CACNA1E: variants seen among roughly 807,000 people sequenced by gnomAD.
CACNA1E encodes the protein calcium voltage-gated channel subunit alpha1 E, also known as voltage-dependent R-type calcium channel subunit alpha-1E.
In CACNA1E, 40 loss-of-function variants were observed where a neutral mutation model predicts 259.2. That is an observed-to-expected ratio of 0.15 (90% CI 0.12 to 0.20). The LOEUF (loss-of-function observed/expected upper bound fraction) is 0.20. Among genes scored for constraint, CACNA1E ranks in the 10% least tolerant of loss-of-function variants. The pLI, the probability that CACNA1E is intolerant of heterozygous loss-of-function variation, is 1.00. For missense variants in CACNA1E, 1,874 were observed against 3,040.1 expected (o/e 0.62, Z 9.02); for synonymous variants, 1,104 against 1,138.5 (o/e 0.97, Z 0.61).
At chr1:181,635,248 T>G (rs972138049) in intron 6 of CACNA1E, among the ~76,000 whole-genome samples, 1 of 152,196 alleles carries the variant, frequency 6.6e-6, no homozygotes, top group Non-Finnish European at 1.5e-5. Flanking sequence ...AGTGTAGGTG[T>G]GTCTGATGCC....
intron 2 of CACNA1E, among the ~76,000 whole-genome samples, chr1:181,431,158 A>G (rs946017639): frequency 3.9e-5 from 6 of 152,220 alleles, no homozygotes; most frequent in Admixed American, 2.0e-4. Flanking sequence ...AACAAAAGGT[A>G]AATTGGAGCT....
At chr1:181,400,114 A>C (rs1173065770) in intron 1 of CACNA1E, among the ~76,000 whole-genome samples, 1 of 152,240 alleles carries the variant, frequency 6.6e-6, no homozygotes, top group Non-Finnish European at 1.5e-5. Flanking sequence ...CACCAGGGGT[A>C]CATCGTGAAG....
At chr1:181,331,898 C>T (rs139440827) in intron 1 of CACNA1E, among the ~76,000 whole-genome samples, 2,339 of 152,216 alleles carry the variant, frequency 0.015, 73 homozygotes, top group African/African-American at 0.054. Context: ...TATAGGTGTG[C>T]AGTCTTATTT....
chr1:181,461,080 G>A (rs955442263), intron 2 of CACNA1E, among the ~76,000 whole-genome samples: 2 of 152,164 alleles, frequency 1.3e-5, no homozygotes, highest in East Asian at 3.9e-4. Context: ...TCCTTCTAGA[G>A]TTTAACCTGG....
chr1:181,661,364 A>T (rs1647657825), intron 7 of CACNA1E, among the ~76,000 whole-genome samples: 1 of 152,094 alleles, frequency 6.6e-6, no homozygotes, highest in Non-Finnish European at 1.5e-5. Context: ...AGCGGTGGGG[A>T]CGGAAAGGAC....
intron 12 of CACNA1E, 149 bp downstream of exon 12, chr1:181,718,316 G>A (rs111296654): frequency 1.7e-6 from 1 of 576,186 alleles, no homozygotes; most frequent in Non-Finnish European, 3.1e-6. Flanking sequence ...GAATTCAGAA[G>A]CGAGTGAATC....
At chr1:181,333,293 C>T (rs1651425414) in intron 1 of CACNA1E, among the ~76,000 whole-genome samples, 1 of 152,206 alleles carries the variant, frequency 6.6e-6, no homozygotes, top group South Asian at 2.1e-4. Context: ...CTCCTCCTGA[C>T]TTGCCCTGCC....
chr1:181,581,585 G>A (rs1009191980), intron 6 of CACNA1E, among the ~76,000 whole-genome samples: 1 of 152,194 alleles, frequency 6.6e-6, no homozygotes, highest in Non-Finnish European at 1.5e-5. Flanking sequence ...CCTGCATGGG[G>A]ACAGAAGGTA....
intron 1 of CACNA1E, among the ~76,000 whole-genome samples, chr1:181,381,129 T>C (rs974542927): frequency 6.6e-6 from 1 of 151,118 alleles, no homozygotes; most frequent in African/African-American, 2.4e-5. Flanking sequence ...TTGTGCCACT[T>C]GCACTCCAGC....
chr1:181,473,192 G>T (rs75367761), intron 2 of CACNA1E, among the ~76,000 whole-genome samples: 51,430 of 151,592 alleles, frequency 0.34, 8,863 homozygotes, highest in African/African-American at 0.41. Context: ...CTTGCTCCCT[G>T]AACTCCCTTA....
chr1:181,633,654 G>T (rs1656950737), intron 6 of CACNA1E, among the ~76,000 whole-genome samples: 1 of 151,914 alleles, frequency 6.6e-6, no homozygotes, highest in South Asian at 2.1e-4. Context: ...ACCACGCCCG[G>T]CTCAGTTTTG....
At position 181,732,807 on chromosome 1, in the gene CACNA1E, C is replaced by A; in HGVS notation, c.2721C>A (p.Thr907=). Residue 907 remains threonine, a synonymous_variant, in exon 20 of 48, where the codon ACC becomes ACA. Coordinates refer to ENST00000367573, the MANE Select transcript of CACNA1E (RefSeq NM_001205293.3). This position sits in a 1 kb window ranked among gnomAD's most constrained non-coding sequence, Gnocchi z 5.5. ...QEAGGGEAVV[T]FEDRARHRQS... ...CAGGGGGAGGAGAGGCTGTGGTGAC[C>A]TTTGAGGACCGGGCCAGGCACAGGC... 1 of 1,608,142 alleles carries A rather than the reference C, an allele frequency of 6.2e-7. No individual in the cohort carries two copies. The highest frequency in any genetic ancestry group is 2.2e-5 in the East Asian group (1 of 44,844).
At chr1:181,558,130 G>T (rs1250457615) in intron 3 of CACNA1E, among the ~76,000 whole-genome samples, 1 of 152,186 alleles carries the variant, frequency 6.6e-6, no homozygotes, top group Non-Finnish European at 1.5e-5. Context: ...TGGAACACTT[G>T]AAGGGCAGTC....
chr1:181,737,617 C>G lies in CACNA1E; in HGVS notation c.3515C>G (p.Ala1172Gly), dbSNP rs1656169216. The G allele has an allele frequency of 6.2e-7, 1 of 1,613,930 alleles. No individual in the cohort carries two copies. Among genetic ancestry groups the G allele is most frequent in the Admixed American group, 1.7e-5 (1 of 60,008 alleles). ...VIAASSIALAAEDPVLTNSER... is the reference protein window; with the variant it reads ...VIAASSIALAGEDPVLTNSER... The stretch of plus-strand genomic sequence containing the variant: ...GCAGCCAGCAGCATCGCCCTGGCGG[C>G]AGAGGACCCCGTCCTGACCAACTCG... Residue 1172 changes from alanine to glycine, a missense_variant, in exon 23 of 48, where the codon GCA becomes GGA. Coordinates refer to ENST00000367573, the MANE Select transcript of CACNA1E (RefSeq NM_001205293.3).
intron 3 of CACNA1E, among the ~76,000 whole-genome samples, chr1:181,573,327 T>G (rs1340312605): frequency 6.6e-6 from 1 of 152,238 alleles, no homozygotes; most frequent in Non-Finnish European, 1.5e-5. Context: ...TGTGTCTGTC[T>G]ACTTCCACTA....
rs117397463 is a variant in CACNA1E, at chr1:181,567,484, C to A, written c.513-10282C>A. Among the ~76,000 whole-genome samples, 160 of 152,306 alleles carry A rather than the reference C, an allele frequency of 1.1e-3. 2 individuals carry two copies. The East Asian group carries it at 0.03, about 29-fold the overall frequency. On this transcript the variant is annotated intron_variant, in intron 3 of 47. Coordinates refer to ENST00000367573, the MANE Select transcript of CACNA1E (RefSeq NM_001205293.3). ...AACAAATGGAAAACAACAAAAGAAA[C>A]TCCAAACCAACCAACCAATCAGAAA...
intron 2 of CACNA1E, among the ~76,000 whole-genome samples, chr1:181,476,926 T>C (rs1445186216): frequency 6.6e-6 from 1 of 152,200 alleles, no homozygotes; most frequent in Non-Finnish European, 1.5e-5. Context: ...GATCCTTTGC[T>C]GTCTGGGGCT....
At chr1:181,534,543 A>T (rs944033083) in intron 3 of CACNA1E, among the ~76,000 whole-genome samples, 4 of 152,160 alleles carry the variant, frequency 2.6e-5, no homozygotes, top group African/African-American at 9.7e-5. Context: ...AAGACTATGT[A>T]TTGGGTACAG....
At chr1:181,469,052 T>C (rs929809925) in intron 2 of CACNA1E, among the ~76,000 whole-genome samples, 4 of 152,176 alleles carry the variant, frequency 2.6e-5, no homozygotes, top group African/African-American at 7.2e-5. Context: ...AAAAATTTAT[T>C]AAAATTTTTT....
Sources: gnomAD v4.1 joint callset for allele counts (sites outside exome capture counted in the v4.1 genomes callset) on GRCh38, gnomAD v4.1.1 for gene constraint, Gnocchi (gnomAD v3.1) non-coding constraint, MANE v1.5 for transcripts, NCBI Gene and HGNC (gene_info 2026-07-23, HGNC 2026-07-21) for gene names.